POGLUT2: variants seen among roughly 807,000 people sequenced by gnomAD.
The protein encoded by POGLUT2 is ER protein 58.
A neutral mutation model predicts 57.6 loss-of-function variants in POGLUT2; 47 were observed. The observed-to-expected ratio is 0.82, with a 90% CI of 0.65 to 1.04. The LOEUF (loss-of-function observed/expected upper bound fraction) is 1.04. Among genes scored for constraint, POGLUT2 ranks in the 50% least tolerant of loss-of-function variants. The pLI is 0.00. For synonymous variants in POGLUT2, 200 were observed against 218.8 expected, an observed-to-expected ratio of 0.91 and a Z score of 0.76; for missense variants, 565 against 614.8, an observed-to-expected ratio of 0.92 and a Z score of 0.86.
At chr13:102,786,481 G>A (rs1877948737) in intron 8 of POGLUT2, 142 bp from the exon 9 acceptor site, 11 of 608,720 alleles carry the variant, frequency 1.8e-5, no homozygotes, top group Non-Finnish European at 3.3e-5. Context: ...ATATATACCA[G>A]TTCTGAACAT....
chr13:102,791,260 G>A lies in POGLUT2; in HGVS notation c.843C>T (p.Gly281=), dbSNP rs1307960874. The A allele has an allele frequency of 1.2e-6, 2 of 1,602,150 alleles. No individual in the cohort carries two copies. The highest frequency in any genetic ancestry group is 1.8e-5 in the Admixed American group (1 of 57,042). The stretch of plus-strand genomic sequence containing the variant: ...GCCAACCCTGACTTATCTCTCACCG[G>A]CCCATGGTTTCCAGAACAGAATCAG... ...DLTDSVLETM[G]RVSLDMMSVQ... Residue 281 remains glycine (G), a splice_region_variant and synonymous_variant, in exon 5 of 10, where the codon GGC becomes GGT. Coordinates refer to ENST00000376004, the MANE Select transcript of POGLUT2 (RefSeq NM_024089.3).
In POGLUT2 at chr13:102,791,238, A is replaced by G. The variant is rs1363275847; in HGVS notation, c.845+20T>C. The G allele has an allele frequency of 1.6e-5, 25 of 1,601,732 alleles. No individual in the cohort carries two copies. The highest frequency in any genetic ancestry group is 2.1e-5 in the Non-Finnish European group (25 of 1,174,278). On this transcript the variant is annotated intron_variant, in intron 5 of 9. Transcript: ENST00000376004. Reference sequence around the variant, plus strand: ...AGAAAGAAAACCAAGGCTCTGGGCCAACCCTGACTTATCTCTCACCGGCCC... The same window carrying G: ...AGAAAGAAAACCAAGGCTCTGGGCCGACCCTGACTTATCTCTCACCGGCCC...
At chr13:102,798,187 C>T (rs988928947) in intron 1 of POGLUT2, among the ~76,000 whole-genome samples, 1 of 152,176 alleles carries the variant, frequency 6.6e-6, no homozygotes, top group Non-Finnish European at 1.5e-5. Flanking sequence ...CTTATAATAG[C>T]TTATGCGAAA....
Position 102,798,767 on chromosome 13 carries a change from T to C in POGLUT2, c.-97A>G, listed in dbSNP as rs1362581443. 2 of 1,278,884 alleles carry C rather than the reference T, an allele frequency of 1.6e-6. No homozygotes were observed. Among genetic ancestry groups the C allele is most frequent in the Non-Finnish European group, 2.1e-6 (2 of 954,232 alleles). The allele number at this position is 1,278,884 out of a possible 1,614,324, so 79.2% of individuals were successfully genotyped here. Reference sequence around the variant, plus strand: ...CCTTCGGCAGGGACCCGCCGGCCGATCGCAGCAGCCAACGCGACTGCAAAG... The same window carrying C: ...CCTTCGGCAGGGACCCGCCGGCCGACCGCAGCAGCCAACGCGACTGCAAAG... On this transcript the variant is annotated 5_prime_UTR_variant, in exon 1 of 10. Coordinates refer to ENST00000376004, the MANE Select transcript of POGLUT2 (RefSeq NM_024089.3).
intron 2 of POGLUT2, among the ~76,000 whole-genome samples, chr13:102,795,822 T>G (rs914950455): frequency 4.7e-5 from 7 of 148,500 alleles, no homozygotes; most frequent in Middle Eastern, 3.4e-3. Context: ...CTTTTCTTAC[T>G]TCTCTGCAGA....
chr13:102,793,305 A>G (rs781209684), intron 4 of POGLUT2, 36 bp downstream of exon 4: 1 of 1,148,754 alleles, frequency 8.7e-7, no homozygotes, highest in Non-Finnish European at 1.3e-6. Context: ...CTGGGCTTAA[A>G]TTATCTATTA....
intron 9 of POGLUT2, among the ~76,000 whole-genome samples, chr13:102,785,319 T>G (rs1321836767): frequency 6.6e-6 from 1 of 152,142 alleles, no homozygotes; most frequent in Non-Finnish European, 1.5e-5. Flanking sequence ...TTAATTCCTT[T>G]TACACCTCCT....
chr13:102,789,055 T>C lies in POGLUT2; in HGVS notation c.1250A>G (p.Asp417Gly). The change falls in exon 7 of 10, where the codon GAT becomes GGT. Residue 417 changes from aspartate (D) to glycine (G), a missense_variant. Coordinates refer to ENST00000376004, the MANE Select transcript of POGLUT2 (RefSeq NM_024089.3). ...CGCCCATTTAAGTTTTTCTAGCAGA[T>C]CGCTCAGGTTGCTCTTAACTGGAAT... is the stretch of plus-strand genomic sequence containing the variant. ...HYIPVKSNLS[D>G]LLEKLKWAKD... The C allele has an allele frequency of 6.2e-7, 1 of 1,614,186 alleles. No homozygotes were observed. The highest frequency in any genetic ancestry group is 8.5e-7 in the Non-Finnish European group (1 of 1,180,026).
intron 1 of POGLUT2, among the ~76,000 whole-genome samples, chr13:102,798,096 T>G (rs1028501512): frequency 7.9e-5 from 12 of 152,210 alleles, no homozygotes; most frequent in African/African-American, 2.9e-4. Flanking sequence ...CATGCTTACC[T>G]GCAGATGTCT....
intron 8 of POGLUT2, 136 bp downstream of exon 8, chr13:102,787,698 G>T: frequency 6.8e-6 from 3 of 439,108 alleles, no homozygotes; most frequent in Non-Finnish European, 1.2e-5. Context: ...CTTAATATTT[G>T]TCTCTGATTT....
chr13:102,797,286 A>G (rs1320130888), intron 1 of POGLUT2, among the ~76,000 whole-genome samples: 1 of 152,238 alleles, frequency 6.6e-6, no homozygotes, highest in East Asian at 1.9e-4. Context: ...AGCACAGAAC[A>G]TACTCATGCA....
rs369046801 is a variant in POGLUT2 at position 102,790,958 on chromosome 13, G to A, written c.1026C>T (p.His342=). The change falls in exon 6 of 10, where the codon CAC becomes CAT. Residue 342 remains histidine, a synonymous_variant. Transcript: ENST00000376004. ...AAFTNFFFFK[H]DENLYGPIVK... ...CAATGGGACCATACAGGTTTTCATC[G>A]TGTTTAAAGAAGAAAAAGTTGGTGA... 1.5e-5 allele frequency: 24 copies of A among 1,613,720 alleles called. No homozygotes were observed. The highest frequency in any genetic ancestry group is 6.7e-5 in the East Asian group (3 of 44,894).
intron 4 of POGLUT2, chr13:102,792,130 T>TA: frequency 8.0e-7 from 1 of 1,249,900 alleles, no homozygotes; most frequent in Non-Finnish European, 1.0e-6. Context: ...TGATGCTATA[T>TA]AACTACCTAC....
At chr13:102,785,483 C>G (rs1877905666) in intron 9 of POGLUT2, among the ~76,000 whole-genome samples, 1 of 151,466 alleles carries the variant, frequency 6.6e-6, no homozygotes, top group South Asian at 2.1e-4. Flanking sequence ...CACACACACA[C>G]ACACACACTC....
intron 1 of POGLUT2, among the ~76,000 whole-genome samples, chr13:102,797,824 C>T (rs1301587207): frequency 6.6e-6 from 1 of 151,854 alleles, no homozygotes; most frequent in Non-Finnish European, 1.5e-5. Context: ...ACAAAATTTA[C>T]AACCTGCCTT....
chr13:102,794,931 CTTT>C (rs71131019), intron 2 of POGLUT2, among the ~76,000 whole-genome samples: 2 of 136,914 alleles, frequency 1.5e-5, no homozygotes, highest in Non-Finnish European at 1.6e-5. Flanking sequence ...AACTGCTATT[CTTT>C]TTTTTTTTTT....
At chr13:102,797,422 T>A (rs1878453106) in intron 1 of POGLUT2, among the ~76,000 whole-genome samples, 1 of 152,172 alleles carries the variant, frequency 6.6e-6, no homozygotes, top group Non-Finnish European at 1.5e-5. Context: ...ATCTTTACAA[T>A]ATCAGTATTA....
chr13:102,790,103 A>G (rs1878110165), intron 6 of POGLUT2, among the ~76,000 whole-genome samples: 1 of 152,222 alleles, frequency 6.6e-6, no homozygotes, highest in Non-Finnish European at 1.5e-5. Context: ...CACTTTGGTT[A>G]TAATCATTTC....
intron 2 of POGLUT2, among the ~76,000 whole-genome samples, chr13:102,795,677 T>C (rs1277509702): frequency 6.6e-6 from 1 of 152,236 alleles, no homozygotes; most frequent in Admixed American, 6.5e-5. Context: ...TTCCTTTTTA[T>C]AATTCTCAGA....
Sources: gnomAD v4.1 joint callset for allele counts (sites outside exome capture counted in the v4.1 genomes callset) on GRCh38, gnomAD v4.1.1 for gene constraint, MANE v1.5 for transcripts, NCBI Gene and HGNC (gene_info 2026-07-23, HGNC 2026-07-21) for gene names.